Variants in TMPRSS11A observed in about 807,000 individuals in gnomAD.
TMPRSS11A encodes transmembrane serine protease 11A.
TMPRSS11A carries 53 observed loss-of-function variants against 58.9 expected under a neutral mutation model. That is an observed-to-expected ratio of 0.90 (90% CI 0.72 to 1.13). The LOEUF is 1.13. Among genes scored for constraint, TMPRSS11A ranks in the 50% most tolerant of loss-of-function variants. The pLI is 0.00. For missense variants in TMPRSS11A, 493 were observed against 499.3 expected, an observed-to-expected ratio of 0.99 and a Z score of 0.12; for synonymous variants, 167 against 169.8, an observed-to-expected ratio of 0.98 and a Z score of 0.13.
chr4:67,932,022 A>AT lies in TMPRSS11A; in HGVS notation c.290dup (p.Asn97LysfsTer31), dbSNP rs769204666. On this transcript the variant is annotated frameshift_variant, in exon 4 of 10. Transcript: ENST00000508048. LOFTEE classifies it high-confidence loss of function. ...GTCTGACTACTTGGTTCTTGATATAATTTTTCTTCCAGGCTGAATCTATAA... is the reference window on the plus strand; with the variant it reads ...GTCTGACTACTTGGTTCTTGATATAATTTTTTCTTCCAGGCTGAATCTATAA... The AT allele has an allele frequency of 1.2e-5, 19 of 1,605,448 alleles. No individual in the cohort carries two copies. In the East Asian group the frequency reaches 4.2e-4, roughly 36 times the overall value.
At chr4:67,945,849 G>A (rs1287840618) in intron 2 of TMPRSS11A, among the ~76,000 whole-genome samples, 2 of 152,152 alleles carry the variant, frequency 1.3e-5, no homozygotes, top group Non-Finnish European at 2.9e-5. Flanking sequence ...TGCATTATTT[G>A]TGTAATTACA....
rs762042411 is a variant in TMPRSS11A at position 67,944,504 on chromosome 4, G to A, written c.252+15C>T. On this transcript the variant is annotated intron_variant, in intron 3 of 9. Coordinates refer to ENST00000508048, the MANE Select transcript of TMPRSS11A (RefSeq NM_001114387.2). The stretch of plus-strand genomic sequence containing the variant: ...TTGCATTATTCTATGATAAAAAGAA[G>A]TTTACCTGACTCACCAAATTTTCGG... 2 of 1,603,074 alleles carry A rather than the reference G, an allele frequency of 1.2e-6. No homozygotes were observed. Among genetic ancestry groups the A allele is most frequent in the African/African-American group, 1.3e-5 (1 of 74,360 alleles).
At chr4:67,940,580 T>C (rs768415071) in intron 3 of TMPRSS11A, among the ~76,000 whole-genome samples, 1 of 152,212 alleles carries the variant, frequency 6.6e-6, no homozygotes, top group Non-Finnish European at 1.5e-5. Flanking sequence ...TGGGATTGGT[T>C]GTAATGTTAC....
chr4:67,911,265 C>T lies in TMPRSS11A; in HGVS notation c.*77G>A. The T allele has an allele frequency of 1.5e-6, 2 of 1,328,120 alleles. No homozygotes were observed. Among genetic ancestry groups the T allele is most frequent in the East Asian group, 4.6e-5 (2 of 43,100 alleles). 82.3% of individuals were successfully genotyped at this position (1,328,120 alleles called of 1,614,324 possible). On this transcript the variant is annotated 3_prime_UTR_variant, in exon 10 of 10. Transcript: ENST00000508048. ...AGTAATTTAATATCACTTTGTTGTA[C>T]TACACCCACTAAATAGTTGAATTCT...
intron 8 of TMPRSS11A, among the ~76,000 whole-genome samples, chr4:67,917,734 T>C (rs981351349): frequency 6.6e-6 from 1 of 152,160 alleles, no homozygotes; most frequent in Non-Finnish European, 1.5e-5. Flanking sequence ...TGTGCCAGTC[T>C]CAAACTCCTG....
At chr4:67,911,575 A>T in intron 9 of TMPRSS11A, 72 bp from the exon 10 acceptor site, 1 of 1,276,856 alleles carries the variant, frequency 7.8e-7, no homozygotes, top group South Asian at 1.4e-5. Context: ...AGATATTTTG[A>T]TGAATCACAT....
intron 7 of TMPRSS11A, among the ~76,000 whole-genome samples, chr4:67,921,002 C>T (rs1351323796): frequency 1.3e-5 from 2 of 152,008 alleles, no homozygotes; most frequent in African/African-American, 4.8e-5. Flanking sequence ...GGATATTCTC[C>T]CTCATTTTAT....
chr4:67,959,765 G>T (rs1206913884), intron 1 of TMPRSS11A, among the ~76,000 whole-genome samples: 1 of 152,206 alleles, frequency 6.6e-6, no homozygotes, highest in Non-Finnish European at 1.5e-5. Flanking sequence ...GCAGTTTGGA[G>T]ATTTCTCAAA....
At chr4:67,918,600 G>T (rs1489512866) in intron 8 of TMPRSS11A, among the ~76,000 whole-genome samples, 1 of 152,112 alleles carries the variant, frequency 6.6e-6, no homozygotes, top group African/African-American at 2.4e-5. Context: ...TTGAGGTGTT[G>T]TTAGCCACCT....
chr4:67,916,479 AC>A (rs1246138899), intron 8 of TMPRSS11A, among the ~76,000 whole-genome samples: 7 of 37,306 alleles, frequency 1.9e-4, no homozygotes, highest in African/African-American at 4.6e-4. Context: ...TTATACACAC[AC>A]ACACACACAC....
chr4:67,922,525 A>G (rs1720357209), intron 7 of TMPRSS11A, among the ~76,000 whole-genome samples: 1 of 152,190 alleles, frequency 6.6e-6, no homozygotes, highest in Non-Finnish European at 1.5e-5. Flanking sequence ...CAGTTTCCTT[A>G]TTAAAAACTT....
intron 6 of TMPRSS11A, 69 bp from the exon 7 acceptor site, chr4:67,922,995 C>T (rs1720370884): frequency 1.3e-6 from 2 of 1,533,898 alleles, no homozygotes; most frequent in African/African-American, 2.7e-5. Flanking sequence ...CCCATTCTTA[C>T]TTGCCTGAAG....
intron 8 of TMPRSS11A, among the ~76,000 whole-genome samples, chr4:67,916,827 A>T (rs1263561182): frequency 6.6e-6 from 1 of 150,382 alleles, no homozygotes; most frequent in Admixed American, 6.6e-5. Context: ...ACTCTGTTTC[A>T]AAATAAAAAT....
At chr4:67,950,499 C>G (rs1721130447) in intron 1 of TMPRSS11A, among the ~76,000 whole-genome samples, 2 of 152,250 alleles carry the variant, frequency 1.3e-5, no homozygotes, top group African/African-American at 2.4e-5. Flanking sequence ...CTCCCATCTT[C>G]AAGCCAATTG....
chr4:67,939,303 G>T (rs2109756117), intron 3 of TMPRSS11A, among the ~76,000 whole-genome samples: 1 of 152,100 alleles, frequency 6.6e-6, no homozygotes, highest in Non-Finnish European at 1.5e-5. Flanking sequence ...TATCAGTTTT[G>T]GAAACTTTTT....
intron 3 of TMPRSS11A, among the ~76,000 whole-genome samples, chr4:67,938,304 T>C (rs1037126230): frequency 3.3e-5 from 5 of 152,200 alleles, no homozygotes; most frequent in African/African-American, 1.2e-4. Context: ...ATTCTGGACA[T>C]TAGACCTTTT....
intron 5 of TMPRSS11A, among the ~76,000 whole-genome samples, chr4:67,925,614 T>C (rs1185054805): frequency 2.0e-5 from 3 of 152,212 alleles, no homozygotes; most frequent in Non-Finnish European, 1.5e-5. Context: ...GAAGAGTCAA[T>C]TGCTCAGGAC....
chr4:67,940,146 T>C (rs1183219848), intron 3 of TMPRSS11A, among the ~76,000 whole-genome samples: 2 of 152,230 alleles, frequency 1.3e-5, no homozygotes, highest in African/African-American at 4.8e-5. Flanking sequence ...TGGTATTTGG[T>C]TGAGGATTTT....
rs746187334 is a variant in TMPRSS11A at position 67,963,389 on chromosome 4, A to G, written c.5T>C (p.Met2Thr). ...AAAACAGAACTGAACTTACCGATAC[A>G]TCATGTACAGGAGGAAGAATATGAT... M[M>T]YRTVGFGTRS... Residue 2 changes from methionine to threonine, a missense_variant, in exon 1 of 10, where the codon ATG becomes ACG. Physicochemically the swap from Met to Thr is moderately conservative, Grantham distance 81. Coordinates refer to ENST00000508048, the MANE Select transcript of TMPRSS11A (RefSeq NM_001114387.2). 2 of 1,613,760 alleles carry G rather than the reference A, an allele frequency of 1.2e-6. No individual in the cohort carries two copies. The highest frequency in any genetic ancestry group is 1.7e-6 in the Non-Finnish European group (2 of 1,179,850).
Sources: allele counts gnomAD v4.1 joint callset (sites outside exome capture counted in the v4.1 genomes callset), GRCh38; gene constraint gnomAD v4.1.1; transcripts MANE v1.5; gene names NCBI Gene and HGNC (gene_info 2026-07-23, HGNC 2026-07-21).